The following TACC2 variants were observed in gnomAD, a reference collection of about 807,000 sequenced individuals.
TACC2 encodes transforming acidic coiled-coil containing protein 2, also known as transforming acidic coiled-coil-containing protein 2.
TACC2 carries 137 observed loss-of-function variants against 227.3 expected under a neutral mutation model. The observed-to-expected ratio is 0.60, with a 90% confidence interval of 0.52 to 0.69. The LOEUF is 0.69. TACC2 is among the 30% of genes least tolerant of loss of function. The pLI is 0.00. For synonymous variants in TACC2, 1,523 were observed against 1,487.5 expected (o/e 1.02, Z -0.55); for missense variants, 3,470 against 3,694.4 (o/e 0.94, Z 1.57).
intron 5 of TACC2, among the ~76,000 whole-genome samples, chr10:122,128,554 G>A (rs868167955): frequency 1.3e-5 from 2 of 152,304 alleles, no homozygotes; most frequent in African/African-American, 2.4e-5. Context: ...GAATGAGGCT[G>A]ACAAGCCTAG....
chr10:122,132,637 C>T lies in TACC2; in HGVS notation c.5602C>T (p.Pro1868Ser). The T allele has an allele frequency of 6.2e-7, 1 of 1,614,180 alleles. No homozygotes were observed. The change falls in exon 6 of 23, where the codon CCC becomes TCC. Residue 1868 changes from proline (P) to serine (S), a missense_variant. Around this residue, in one of 10 missense-constraint regions of TACC2, gnomAD observed 1,924 missense variants for 1,978.3 expected, o/e 0.97. Coordinates refer to ENST00000369005, the MANE Select transcript of TACC2 (RefSeq NM_206862.4). ...ACCTGTGGCAGATGATATCATCCAG[C>T]CCGCTGCCCCCGCAGACCTGGAAAG... Reference protein sequence around the residue: ...SSPVADDIIQPAAPADLESPT... With the variant: ...SSPVADDIIQSAAPADLESPT...
At position 122,231,288 on chromosome 10, in the gene TACC2, C is replaced by T. The variant is rs987194322; in HGVS notation, c.8127+848C>T. On this transcript the variant is annotated intron_variant, in intron 16 of 22. Transcript: ENST00000369005. ...AAACCTTGGTCTCTGAGGGCGGCCT[C>T]GTTCCCACCCCTCACCCCACCCCAA... Among the ~76,000 whole-genome samples the T allele has an allele frequency of 2.4e-4, 37 of 152,282 alleles. 2 individuals are homozygous for T. Among genetic ancestry groups the T allele is most frequent in the Admixed American group, 1.9e-3 (29 of 15,302 alleles).
intron 5 of TACC2, among the ~76,000 whole-genome samples, chr10:122,104,686 G>A (rs1375690993): frequency 6.6e-6 from 1 of 152,044 alleles, no homozygotes; most frequent in Non-Finnish European, 1.5e-5. Context: ...TTTTTATTTC[G>A]TTGTGTTACT....
intron 1 of TACC2, among the ~76,000 whole-genome samples, chr10:121,999,899 T>C (rs1198420058): frequency 2.6e-5 from 4 of 152,234 alleles, no homozygotes; most frequent in African/African-American, 7.2e-5. Flanking sequence ...AGAAGATATG[T>C]TCATATGTGG....
intron 3 of TACC2, among the ~76,000 whole-genome samples, chr10:122,057,493 C>T (rs770016589): frequency 1.3e-5 from 2 of 151,996 alleles, no homozygotes; most frequent in Non-Finnish European, 2.9e-5. Context: ...GCCAAAGGGA[C>T]CCTAAAGAAG....
chr10:122,178,491 C>T (rs540474064), intron 7 of TACC2, among the ~76,000 whole-genome samples: 97 of 152,120 alleles, frequency 6.4e-4, no homozygotes, highest in Non-Finnish European at 9.7e-4. Context: ...CCCTCCTAGA[C>T]CTCCCAAAGT....
chr10:122,235,601 A>T (rs2095842106), intron 16 of TACC2, among the ~76,000 whole-genome samples: 1 of 152,010 alleles, frequency 6.6e-6, no homozygotes, highest in Admixed American at 6.5e-5. Flanking sequence ...TTGAGTCTTG[A>T]TCTCTGTGTC....
intron 7 of TACC2, among the ~76,000 whole-genome samples, chr10:122,167,435 G>C (rs957962015): frequency 1.3e-5 from 2 of 152,246 alleles, no homozygotes; most frequent in African/African-American, 4.8e-5. Context: ...GGCCAAGACA[G>C]ACAAGAAAAC....
At chr10:122,082,323 C>T (rs1299775448) in intron 3 of TACC2, among the ~76,000 whole-genome samples, 1 of 152,170 alleles carries the variant, frequency 6.6e-6, no homozygotes, top group African/African-American at 2.4e-5. Context: ...AACAAACAAA[C>T]AAAACCTTTT....
chr10:122,129,124 A>G (rs1297118045), intron 5 of TACC2, among the ~76,000 whole-genome samples: 2 of 150,188 alleles, frequency 1.3e-5, no homozygotes, highest in Admixed American at 1.3e-4. Context: ...CTTGTCACCC[A>G]GGCTGGAGTG....
intron 1 of TACC2, among the ~76,000 whole-genome samples, chr10:121,990,756 T>C (rs1003344600): frequency 6.6e-6 from 1 of 152,138 alleles, no homozygotes; most frequent in African/African-American, 2.4e-5. Context: ...ATTACATTAT[T>C]GTCTGGACAT....
At chr10:122,142,355 G>A (rs2090718771) in intron 6 of TACC2, among the ~76,000 whole-genome samples, 1 of 152,204 alleles carries the variant, frequency 6.6e-6, no homozygotes, top group Non-Finnish European at 1.5e-5. Flanking sequence ...GGCAGATGTG[G>A]CCCCTGTCCT....
intron 3 of TACC2, among the ~76,000 whole-genome samples, chr10:122,066,951 T>C: frequency 6.6e-6 from 1 of 152,236 alleles, no homozygotes; most frequent in Admixed American, 6.5e-5. Flanking sequence ...AGAAGAGGCT[T>C]ACAACAATAT....
At chr10:122,040,236 G>A (rs1011623652) in intron 2 of TACC2, among the ~76,000 whole-genome samples, 5 of 152,182 alleles carry the variant, frequency 3.3e-5, no homozygotes, top group Non-Finnish European at 5.9e-5. Flanking sequence ...ATGGGAAGTT[G>A]GGAGACTGTC....
chr10:122,230,529 G>C, intron 16 of TACC2, 89 bp downstream of exon 16: 1 of 1,244,898 alleles, frequency 8.0e-7, no homozygotes. Flanking sequence ...CATCCGCCAG[G>C]CGGGCATCAT....
chr10:122,163,907 C>T (rs763366899), intron 7 of TACC2: 10 of 1,562,462 alleles, frequency 6.4e-6, no homozygotes, highest in Admixed American at 1.9e-5. Context: ...CTAGCTTGCA[C>T]GCCAGGGCAC....
rs558111165 is a variant in TACC2 at position 122,085,223 on chromosome 10, G to T, written c.2723G>T (p.Gly908Val). 1.9e-6 allele frequency: 3 copies of T among 1,614,026 alleles called. No individual in the cohort carries two copies. The highest frequency in any genetic ancestry group is 2.2e-5 in the East Asian group (1 of 44,870). Reference protein sequence around the residue: ...GSELQSQLPKGTLSDTPTSSP... With the variant: ...GSELQSQLPKVTLSDTPTSSP... ...GAACTTCAAAGTCAGCTCCCCAAAGGCACCCTGTCTGATACTCCAACTTCA... is the reference window on the plus strand; with the variant it reads ...GAACTTCAAAGTCAGCTCCCCAAAGTCACCCTGTCTGATACTCCAACTTCA... Residue 908 changes from glycine (G) to valine (V), a missense_variant, in exon 4 of 23, where the codon GGC (glycine) becomes GTC (valine). Gly to Val is a moderately radical substitution (Grantham distance 109). Coordinates refer to ENST00000369005, the MANE Select transcript of TACC2 (RefSeq NM_206862.4).
intron 2 of TACC2, among the ~76,000 whole-genome samples, chr10:122,046,838 G>A (rs977711085): frequency 6.6e-6 from 1 of 152,184 alleles, no homozygotes; most frequent in Non-Finnish European, 1.5e-5. Context: ...GGCCTCAGGT[G>A]TTAGTTGCTG....
chr10:122,214,034 C>T (rs950785529), intron 9 of TACC2, among the ~76,000 whole-genome samples: 5 of 152,148 alleles, frequency 3.3e-5, no homozygotes, highest in Non-Finnish European at 7.4e-5. Flanking sequence ...ACAGAGCTGA[C>T]CATTTCTGTG....
Sources: allele counts gnomAD v4.1 joint callset (sites outside exome capture counted in the v4.1 genomes callset), GRCh38; gene constraint gnomAD v4.1.1; regional missense constraint gnomAD v4.1.1; transcripts MANE v1.5; gene names NCBI Gene and HGNC (gene_info 2026-07-23, HGNC 2026-07-21).